Variants in GLB1L2 observed in about 807,000 individuals in gnomAD.
The protein encoded by GLB1L2 is beta-galactosidase-1-like protein 2.
A neutral mutation model predicts 84.1 loss-of-function variants in GLB1L2; 68 were observed. The observed-to-expected ratio is 0.81, with a 90% CI of 0.67 to 0.99. GLB1L2 has a LOEUF of 0.99. Among genes scored for constraint, GLB1L2 ranks in the 50% least tolerant of loss-of-function variants. GLB1L2 has a pLI of 0.00. For synonymous variants in GLB1L2, 290 were observed against 318.0 expected (o/e 0.91, Z 0.94); for missense variants, 762 against 805.6 (o/e 0.95, Z 0.66).
rs1201158397 is a variant in GLB1L2 at position 134,370,868 on chromosome 11, T to C, written c.1216-140T>C. 1.1e-6 allele frequency: 1 copy of C among 912,862 alleles called. No homozygotes were observed. 56.5% of individuals were successfully genotyped at this position (912,862 alleles called of 1,614,324 possible). A position where few individuals can be genotyped will look rare whatever the true frequency, so the allele number is the denominator to read the frequency against. On this transcript the variant is annotated intron_variant, in intron 12 of 18. Transcript: ENST00000535456. The surrounding 1 kb of genome is among the most constrained non-coding windows in gnomAD (Gnocchi z 4.7). ...TTCCCCGTCACCCTGGAGAGTTGTA[T>C]GTTTAGTGCAATGAGAAGTCAAAGT...
intron 1 of GLB1L2, among the ~76,000 whole-genome samples, chr11:134,341,948 G>A (rs1418865080): frequency 1.4e-5 from 1 of 71,996 alleles, no homozygotes; most frequent in Non-Finnish European, 3.6e-5. Flanking sequence ...CTCCTGCCCC[G>A]GACTCAGCCA....
rs915235834 is a variant in GLB1L2, at chr11:134,370,862, G to A, written c.1216-146G>A. 2.3e-6 allele frequency: 2 copies of A among 884,158 alleles called. No homozygotes were observed. Among genetic ancestry groups the A allele is most frequent in the African/African-American group, 1.7e-5 (1 of 59,806 alleles). The allele number at this position is 884,158 out of a possible 1,614,324, so 54.8% of individuals were successfully genotyped here. A position where few individuals can be genotyped will look rare whatever the true frequency, so the allele number is the denominator to read the frequency against. ...CTCCTCTTCCCCGTCACCCTGGAGA[G>A]TTGTATGTTTAGTGCAATGAGAAGT... On this transcript the variant is annotated intron_variant, in intron 12 of 18. Transcript: ENST00000535456. The surrounding 1 kb of genome is among the most constrained non-coding windows in gnomAD (Gnocchi z 4.7).
rs562033494 is a variant in GLB1L2, at chr11:134,334,586, A to G, written c.86+2439A>G. ...AATCCAGCTGTGAATCTATCACCACAGTTAAGATTGTGAAAACAGCCACCA... is the reference window on the plus strand; with the variant it reads ...AATCCAGCTGTGAATCTATCACCACGGTTAAGATTGTGAAAACAGCCACCA... On this transcript the variant is annotated intron_variant, in intron 1 of 18. Transcript: ENST00000535456. The surrounding 1 kb of genome is among the most constrained non-coding windows in gnomAD (Gnocchi z 4.1). Among the ~76,000 whole-genome samples the G allele has an allele frequency of 2.0e-5, 3 of 152,236 alleles. No individual in the cohort carries two copies. The highest frequency in any genetic ancestry group is 6.5e-5 in the Admixed American group (1 of 15,300).
intron 7 of GLB1L2, among the ~76,000 whole-genome samples, chr11:134,362,750 G>T (rs961894371): frequency 1.3e-5 from 2 of 152,216 alleles, no homozygotes; most frequent in African/African-American, 4.8e-5. Flanking sequence ...TCTCAGGCAG[G>T]ATGGCCCCCG....
chr11:134,343,930 C>G (rs545068708), intron 2 of GLB1L2, among the ~76,000 whole-genome samples: 1 of 152,366 alleles, frequency 6.6e-6, no homozygotes, highest in South Asian at 2.1e-4. Context: ...TCCCTTCCGC[C>G]TCTCGAGTTG....
At chr11:134,335,646 C>G (rs894532178) in intron 1 of GLB1L2, among the ~76,000 whole-genome samples, 1 of 152,006 alleles carries the variant, frequency 6.6e-6, no homozygotes, top group Admixed American at 6.6e-5. Flanking sequence ...ACTGGGCTAC[C>G]AAGAAGATTG....
intron 6 of GLB1L2, among the ~76,000 whole-genome samples, chr11:134,358,251 A>G (rs1943732857): frequency 6.6e-6 from 1 of 152,262 alleles, no homozygotes. Flanking sequence ...GCACCTCAGC[A>G]CAGAGCCTTT....
chr11:134,374,659 A>G lies in GLB1L2; in HGVS notation c.1765A>G (p.Ile589Val), dbSNP rs146740957. The change falls in exon 18 of 19, where the codon ATT (isoleucine) becomes GTT (valine). Residue 589 changes from isoleucine to valine, a missense_variant. By Grantham distance (29) the Ile-to-Val change is conservative. This residue lies in a region of GLB1L2 where 603 missense variants were observed against 611.7 expected (regional missense o/e 0.99). Transcript: ENST00000535456. ...NGQNLGRYWN[I>V]GPQKTLYLPG... ...CCAGAACCTTGGACGTTACTGGAAC[A>G]TTGGACCCCAGAAGACGCTTTACCT... The G allele has an allele frequency of 8.7e-5, 140 of 1,614,072 alleles. No homozygotes were observed. The highest frequency in any genetic ancestry group is 1.2e-4 in the Non-Finnish European group (136 of 1,180,016).
At chr11:134,341,559 AAC>A (rs1415631897) in intron 1 of GLB1L2, among the ~76,000 whole-genome samples, 1 of 152,224 alleles carries the variant, frequency 6.6e-6, no homozygotes, top group South Asian at 2.1e-4. Context: ...AAATGTGGTG[AAC>A]AGATTCCCAG....
intron 7 of GLB1L2, among the ~76,000 whole-genome samples, chr11:134,363,936 G>A (rs1247998148): frequency 1.3e-5 from 2 of 152,186 alleles, no homozygotes; most frequent in African/African-American, 4.8e-5. Context: ...AGGGTGCAAT[G>A]GCACAATCTC....
rs565444689 is a variant in GLB1L2, at chr11:134,375,772, T to C, written c.*714T>C. On this transcript the variant is annotated 3_prime_UTR_variant, in exon 19 of 19. Transcript: ENST00000535456. ...GAGTCCTGGCAGAAGCCATGGCCCA[T>C]GTCTGCACATCCAGGGAGGAGGACA... is the stretch of plus-strand genomic sequence containing the variant. 7.9e-5 allele frequency: 12 copies of C among 152,212 alleles called. No individual in the cohort carries two copies. In the East Asian group the frequency reaches 1.4e-3, roughly 17 times the overall value. The allele number at this position is 152,212 out of a possible 1,614,324, so 9.4% of individuals were successfully genotyped here.
chr11:134,365,216 C>G (rs61908679), intron 8 of GLB1L2: 1 of 152,230 alleles, frequency 6.6e-6, no homozygotes, highest in African/African-American at 2.4e-5. Flanking sequence ...CGTGTGGGGC[C>G]GTGTGTGTGT....
intron 6 of GLB1L2, 115 bp from the exon 7 acceptor site, chr11:134,358,945 G>A (rs754308888): frequency 2.4e-5 from 17 of 695,696 alleles, no homozygotes; most frequent in African/African-American, 3.7e-5. Context: ...AGAAATAAAC[G>A]CTTTATTTGT....
rs772030711 is a variant in GLB1L2, at chr11:134,342,916, G to A, written c.249G>A (p.Leu83=). Residue 83 remains leucine, a synonymous_variant, in exon 2 of 19, where the codon CTG becomes CTA. Transcript: ENST00000535456. ...GGGAGTACTGGAGGGACCGCCTGCT[G>A]AAGATGAAGGCCTGTGGCTTGAACA... ...VPREYWRDRL[L]KMKACGLNTL... is the part of the protein sequence containing the mutation. 13 of 1,613,930 alleles carry A rather than the reference G, an allele frequency of 8.1e-6. No individual in the cohort carries two copies. Among genetic ancestry groups the A allele is most frequent in the Non-Finnish European group, 1.0e-5 (12 of 1,179,906 alleles).
At chr11:134,349,680 C>T (rs997120451) in intron 5 of GLB1L2, among the ~76,000 whole-genome samples, 1 of 152,098 alleles carries the variant, frequency 6.6e-6, no homozygotes, top group Admixed American at 6.5e-5. Flanking sequence ...TTTGCATTTC[C>T]CTGGTGATGT....
rs767274524 is a variant in GLB1L2 at position 134,356,378 on chromosome 11, G to T, written c.636G>T (p.Met212Ile). ...CCTATAATAAAGACCCCGCATACAT[G>T]CCCTACGTCAAGAAGGTAAGAATCC... is the stretch of plus-strand genomic sequence containing the variant. ...YGSYNKDPAYMPYVKKALEDR... is the reference protein window; with the variant it reads ...YGSYNKDPAYIPYVKKALEDR... The change falls in exon 6 of 19, where the codon ATG becomes ATT. Residue 212 changes from methionine to isoleucine, a missense_variant. This residue lies in a region of GLB1L2 where 603 missense variants were observed against 611.7 expected (regional missense o/e 0.99). Transcript: ENST00000535456. 6.2e-7 allele frequency: 1 copy of T among 1,612,536 alleles called. No individual in the cohort carries two copies. The highest frequency in any genetic ancestry group is 2.2e-5 in the East Asian group (1 of 44,864).
At chr11:134,342,390 G>A (rs1591611138) in intron 1 of GLB1L2, among the ~76,000 whole-genome samples, 1 of 152,082 alleles carries the variant, frequency 6.6e-6, no homozygotes, top group African/African-American at 2.4e-5. Flanking sequence ...AGTCGCTGTC[G>A]CGCGTGGCCG....
At chr11:134,360,095 G>T (rs950817945) in intron 7 of GLB1L2, 3 of 152,356 alleles carry the variant, frequency 2.0e-5, no homozygotes, top group East Asian at 1.9e-4. Flanking sequence ...GCTGGTTCAG[G>T]CTGTGCTCAG....
At chr11:134,361,959 T>A (rs1054857318) in intron 7 of GLB1L2, among the ~76,000 whole-genome samples, 1 of 152,184 alleles carries the variant, frequency 6.6e-6, no homozygotes, top group Non-Finnish European at 1.5e-5. Flanking sequence ...CCCCTTCTCG[T>A]GCTGCTGCGC....
Sources: allele counts gnomAD v4.1 joint callset (sites outside exome capture counted in the v4.1 genomes callset), GRCh38; gene constraint gnomAD v4.1.1; regional missense constraint gnomAD v4.1.1; non-coding constraint Gnocchi (gnomAD v3.1); transcripts MANE v1.5; gene names NCBI Gene and HGNC (gene_info 2026-07-23, HGNC 2026-07-21).